The following CNTN5 variants were observed in gnomAD, a reference collection of about 807,000 sequenced individuals.
The protein encoded by CNTN5 is contactin 5.
Under a neutral mutation model 129.1 loss-of-function variants are expected in CNTN5, and 77 were observed. The ratio of observed to expected loss-of-function variants is 0.60; its 90% CI spans 0.50 to 0.72. The LOEUF (loss-of-function observed/expected upper bound fraction) is 0.72. Among genes scored for constraint, CNTN5 ranks in the 30% least tolerant of loss-of-function variants. The pLI, the probability that CNTN5 is intolerant of heterozygous loss-of-function variation, is 0.00. For synonymous variants in CNTN5, 509 were observed against 465.6 expected, an observed-to-expected ratio of 1.09 and a Z score of -1.20; for missense variants, 1,478 against 1,328.8, an observed-to-expected ratio of 1.11 and a Z score of -1.75.
intron 2 of CNTN5, among the ~76,000 whole-genome samples, chr11:99,415,214 G>A (rs1254202001): frequency 6.6e-6 from 1 of 152,130 alleles, no homozygotes; most frequent in Admixed American, 6.5e-5. Flanking sequence ...TACACAACAC[G>A]TTGAACCTTC....
intron 9 of CNTN5, among the ~76,000 whole-genome samples, chr11:100,033,432 ATC>A (rs1941823840): frequency 6.6e-6 from 1 of 151,916 alleles, no homozygotes; most frequent in African/African-American, 2.4e-5. Flanking sequence ...CTTTACAAGT[ATC>A]TCACTGTTAT....
At chr11:99,080,842 G>T (rs1865760818) in intron 1 of CNTN5, among the ~76,000 whole-genome samples, 1 of 152,144 alleles carries the variant, frequency 6.6e-6, no homozygotes, top group Non-Finnish European at 1.5e-5. Flanking sequence ...AGATGGTCTA[G>T]AAAATAAGGC....
At chr11:99,209,715 A>T (rs1859670018) in intron 1 of CNTN5, among the ~76,000 whole-genome samples, 1 of 152,302 alleles carries the variant, frequency 6.6e-6, no homozygotes, top group South Asian at 2.1e-4. Flanking sequence ...GTCATGAATG[A>T]ATAGTAATGA....
At chr11:99,856,591 G>A (rs1266185552) in intron 6 of CNTN5, among the ~76,000 whole-genome samples, 1 of 143,670 alleles carries the variant, frequency 7.0e-6, no homozygotes, top group East Asian at 2.1e-4. Context: ...GTAGCACTGT[G>A]CACTTTATTC....
intron 1 of CNTN5, among the ~76,000 whole-genome samples, chr11:99,300,114 T>C (rs946314109): frequency 6.6e-6 from 1 of 152,118 alleles, no homozygotes; most frequent in Non-Finnish European, 1.5e-5. Flanking sequence ...TTTTATTTCT[T>C]TTTCTTGCCT....
At chr11:99,939,805 A>C (rs1950394636) in intron 7 of CNTN5, among the ~76,000 whole-genome samples, 1 of 152,112 alleles carries the variant, frequency 6.6e-6, no homozygotes, top group East Asian at 1.9e-4. Context: ...TCAGTTTAGG[A>C]AACGGTACTG....
At chr11:99,720,452 TTCA>T (rs1943135255) in intron 3 of CNTN5, among the ~76,000 whole-genome samples, 1 of 152,180 alleles carries the variant, frequency 6.6e-6, no homozygotes, top group East Asian at 1.9e-4. Flanking sequence ...TTTGATAAAA[TTCA>T]TCATCACTTC....
At chr11:100,243,320 G>T (rs1478000088) in intron 16 of CNTN5, among the ~76,000 whole-genome samples, 2 of 152,186 alleles carry the variant, frequency 1.3e-5, no homozygotes, top group African/African-American at 4.8e-5. Context: ...ATGTGCAAGA[G>T]GGGAGTTGCT....
intron 4 of CNTN5, among the ~76,000 whole-genome samples, chr11:99,821,616 G>A (rs141281386): frequency 2.3e-4 from 35 of 152,096 alleles, no homozygotes; most frequent in East Asian, 7.7e-4. Context: ...ATAATAATGA[G>A]TTTCATCTGT....
chr11:99,981,460 G>A (rs1938345122), intron 8 of CNTN5, among the ~76,000 whole-genome samples: 1 of 152,052 alleles, frequency 6.6e-6, no homozygotes, highest in African/African-American at 2.4e-5. Context: ...CAAGCCAATT[G>A]AATGGTGCCT....
chr11:100,286,424 GCCT>G (rs1184573043), intron 18 of CNTN5, among the ~76,000 whole-genome samples: 3 of 151,462 alleles, frequency 2.0e-5, no homozygotes, highest in African/African-American at 4.9e-5. Context: ...CGGGCAGACT[GCCT>G]CCTCAAGTGG....
intron 1 of CNTN5, among the ~76,000 whole-genome samples, chr11:99,316,610 A>G (rs540044958): frequency 2.0e-5 from 3 of 152,126 alleles, no homozygotes; most frequent in South Asian, 2.1e-4. Flanking sequence ...TGGGGAACAA[A>G]TTTTAATTCA....
chr11:99,120,950 G>C (rs1188470587), intron 1 of CNTN5, among the ~76,000 whole-genome samples: 1 of 151,074 alleles, frequency 6.6e-6, no homozygotes, highest in Non-Finnish European at 1.5e-5. Flanking sequence ...AAAATAAAAT[G>C]TTTTAGTCAA....
At chr11:99,472,106 C>A (rs1396289983) in intron 2 of CNTN5, among the ~76,000 whole-genome samples, 1 of 152,134 alleles carries the variant, frequency 6.6e-6, no homozygotes, top group Non-Finnish European at 1.5e-5. Flanking sequence ...ACCTACACAT[C>A]AAAGTTTCTC....
intron 1 of CNTN5, among the ~76,000 whole-genome samples, chr11:99,227,633 C>T (rs75831050): frequency 0.017 from 2,647 of 152,080 alleles, 41 homozygotes; most frequent in African/African-American, 0.038. Flanking sequence ...ACTCTTTTGT[C>T]CTTGTGCTTC....
At chr11:99,263,724 C>A (rs2135831700) in intron 1 of CNTN5, among the ~76,000 whole-genome samples, 1 of 152,142 alleles carries the variant, frequency 6.6e-6, no homozygotes, top group Admixed American at 6.6e-5. Context: ...TCAAGTGGTT[C>A]TCCCACTTCA....
chr11:99,045,902 A>C (rs1864185273), intron 1 of CNTN5, among the ~76,000 whole-genome samples: 1 of 152,208 alleles, frequency 6.6e-6, no homozygotes, highest in Admixed American at 6.5e-5. Flanking sequence ...ACCAAGGTAG[A>C]GTCTTGAGTA....
At chr11:100,188,135 T>C (rs1948359408) in intron 13 of CNTN5, among the ~76,000 whole-genome samples, 1 of 152,098 alleles carries the variant, frequency 6.6e-6, no homozygotes, top group Admixed American at 6.6e-5. Flanking sequence ...GAACAGACAC[T>C]TCTTACAGGA....
intron 2 of CNTN5, among the ~76,000 whole-genome samples, chr11:99,393,580 CTT>C (rs1457216501): frequency 1.3e-5 from 2 of 151,680 alleles, no homozygotes; most frequent in Non-Finnish European, 3.0e-5. Context: ...TTTTCTAAGA[CTT>C]TAGGCTTTTT....
Sources: gnomAD v4.1 joint callset for allele counts (sites outside exome capture counted in the v4.1 genomes callset) on GRCh38, gnomAD v4.1.1 for gene constraint, MANE v1.5 for transcripts, NCBI Gene and HGNC (gene_info 2026-07-23, HGNC 2026-07-21) for gene names.